The following TLE1 variants were observed in gnomAD, a reference collection of about 807,000 sequenced individuals.
The protein encoded by TLE1 is transducin-like enhancer protein 1.
A neutral mutation model predicts 89.8 loss-of-function variants in TLE1; 21 were observed. That is an observed-to-expected ratio of 0.23 (90% CI 0.17 to 0.34). The LOEUF is 0.34. Ranked by LOEUF, TLE1 falls within the 10% of genes least tolerant of loss-of-function variation. The pLI is 1.00. For missense variants in TLE1, 795 were observed against 1,031.2 expected (o/e 0.77, Z 3.14); for synonymous variants, 447 against 407.6 (o/e 1.10, Z -1.16).
intron 4 of TLE1, among the ~76,000 whole-genome samples, chr9:81,681,621 A>G (rs1429115143): frequency 2.6e-5 from 4 of 151,878 alleles, no homozygotes; most frequent in Non-Finnish European, 4.4e-5. Flanking sequence ...CCCATTCTTC[A>G]GCAGAACACA....
chr9:81,673,922 C>T (rs916600413), intron 4 of TLE1, among the ~76,000 whole-genome samples: 3 of 152,184 alleles, frequency 2.0e-5, no homozygotes, highest in African/African-American at 7.2e-5. Context: ...GCCCTTTCTC[C>T]ATCTGGTGGT....
At chr9:81,595,277 C>T (rs376224094) in intron 14 of TLE1, among the ~76,000 whole-genome samples, 26 of 152,126 alleles carry the variant, frequency 1.7e-4, no homozygotes, top group African/African-American at 6.0e-4. Context: ...GGAACCTATG[C>T]CACTTATTAT....
At chr9:81,612,342 T>C in intron 12 of TLE1, 1 of 1,007,466 alleles carries the variant, frequency 9.9e-7, no homozygotes, top group Non-Finnish European at 1.2e-6. Flanking sequence ...AGATTTCTCT[T>C]TCAGTCCGAA....
intron 4 of TLE1, among the ~76,000 whole-genome samples, chr9:81,672,399 T>C (rs1832340501): frequency 1.3e-5 from 2 of 151,738 alleles, no homozygotes; most frequent in Non-Finnish European, 2.9e-5. Flanking sequence ...GATGGTGCGA[T>C]CTTGGCTCAC....
At position 81,688,930 on chromosome 9, in the gene TLE1, G is replaced by A. The variant is rs1164247177; in HGVS notation, c.-690C>T. Reference sequence around the variant, plus strand: ...GGAAAGTGCGGAGGGCGCGCCGGGAGGCGGCTCGGCACGCCCCGTGCGACC... The same window carrying A: ...GGAAAGTGCGGAGGGCGCGCCGGGAAGCGGCTCGGCACGCCCCGTGCGACC... On this transcript the variant is annotated 5_prime_UTR_variant, in exon 1 of 20. Transcript: ENST00000376499. 6.6e-6 allele frequency: 1 copy of A among 152,442 alleles called. No individual in the cohort carries two copies. The highest frequency in any genetic ancestry group is 1.5e-5 in the Non-Finnish European group (1 of 68,254). 9.4% of individuals were successfully genotyped at this position (152,442 alleles called of 1,614,324 possible). A position where few individuals can be genotyped will look rare whatever the true frequency, so the allele number is the denominator to read the frequency against.
At chr9:81,623,617 TAAAA>T (rs751545706) in intron 8 of TLE1, among the ~76,000 whole-genome samples, 2 of 44,518 alleles carry the variant, frequency 4.5e-5, no homozygotes, top group Admixed American at 5.6e-4. Flanking sequence ...CATCTGTACT[TAAAA>T]AAAAAAAAAA....
chr9:81,684,890 C>G (rs770839836), intron 4 of TLE1, among the ~76,000 whole-genome samples: 2 of 152,168 alleles, frequency 1.3e-5, no homozygotes, highest in African/African-American at 4.8e-5. Context: ...GTCCTTTGGG[C>G]TGAGCAATCA....
intron 12 of TLE1, chr9:81,612,360 T>G: frequency 3.0e-6 from 3 of 996,276 alleles, no homozygotes; most frequent in Non-Finnish European, 2.4e-6. Context: ...GAACTTTCCA[T>G]TCCCTGGTAC....
chr9:81,632,475 C>T (rs113439505), intron 8 of TLE1, among the ~76,000 whole-genome samples: 7,973 of 79,824 alleles, frequency 0.1, 333 homozygotes, highest in African/African-American at 0.15. Context: ...TTCAGTATCC[C>T]TTTTTTTTTT....
At chr9:81,643,740 T>A (rs975245955) in intron 6 of TLE1, among the ~76,000 whole-genome samples, 1 of 152,168 alleles carries the variant, frequency 6.6e-6, no homozygotes, top group Non-Finnish European at 1.5e-5. Flanking sequence ...CTTGCTATGT[T>A]GCCCAGGCTG....
intron 3 of TLE1, 50 bp downstream of exon 3, chr9:81,685,782 CG>C: frequency 6.2e-7 from 1 of 1,611,942 alleles, no homozygotes; most frequent in Non-Finnish European, 8.5e-7. Context: ...TCTGCTAACA[CG>C]TTTGCTAATA....
chr9:81,655,048 G>A (rs1282600195), intron 4 of TLE1, among the ~76,000 whole-genome samples: 1 of 152,090 alleles, frequency 6.6e-6, no homozygotes, highest in Non-Finnish European at 1.5e-5. Context: ...TGTCCTTAGT[G>A]TCTATAGCAC....
intron 5 of TLE1, among the ~76,000 whole-genome samples, chr9:81,653,157 G>A: frequency 6.6e-6 from 1 of 152,200 alleles, no homozygotes; most frequent in East Asian, 1.9e-4. Flanking sequence ...GACAGACAAA[G>A]GTTATGGTGG....
chr9:81,609,777 G>A (rs1454327000), intron 14 of TLE1, among the ~76,000 whole-genome samples: 1 of 152,146 alleles, frequency 6.6e-6, no homozygotes, highest in Non-Finnish European at 1.5e-5. Flanking sequence ...AGAAAAAGGT[G>A]GCACAGAGCT....
At chr9:81,592,574 C>T (rs1005684199) in intron 15 of TLE1, among the ~76,000 whole-genome samples, 1 of 152,174 alleles carries the variant, frequency 6.6e-6, no homozygotes, top group African/African-American at 2.4e-5. Flanking sequence ...CCAGCTCTCT[C>T]AGGTCTCCCT....
intron 8 of TLE1, among the ~76,000 whole-genome samples, chr9:81,630,433 T>C (rs184479143): frequency 2.4e-4 from 36 of 152,364 alleles, no homozygotes; most frequent in African/African-American, 8.4e-4. Flanking sequence ...AATAATGTTA[T>C]TTGTATTAAC....
intron 4 of TLE1, among the ~76,000 whole-genome samples, chr9:81,677,751 C>T (rs886259184): frequency 2.0e-5 from 3 of 151,974 alleles, no homozygotes; most frequent in African/African-American, 7.3e-5. Flanking sequence ...AAGATTTGGA[C>T]GCGCAAGTTC....
At chr9:81,666,564 CAGG>C (rs1176668674) in intron 4 of TLE1, among the ~76,000 whole-genome samples, 1 of 151,900 alleles carries the variant, frequency 6.6e-6, no homozygotes, top group Non-Finnish European at 1.5e-5. Flanking sequence ...ATTATGAGGT[CAGG>C]AGTTCAAGAC....
At chr9:81,616,158 T>C (rs978718095) in intron 10 of TLE1, 24 bp from the exon 11 acceptor site, 2 of 1,585,492 alleles carry the variant, frequency 1.3e-6, no homozygotes, top group Admixed American at 1.9e-5. Context: ...ATCAAAAGTT[T>C]TCGTGATTTA....
Sources: allele counts gnomAD v4.1 joint callset (sites outside exome capture counted in the v4.1 genomes callset), GRCh38; gene constraint gnomAD v4.1.1; transcripts MANE v1.5; gene names NCBI Gene and HGNC (gene_info 2026-07-23, HGNC 2026-07-21).